The following NCOA7 variants were observed in gnomAD, a reference collection of about 807,000 sequenced individuals.
NCOA7 encodes nuclear receptor coactivator 7.
A neutral mutation model predicts 104.3 loss-of-function variants in NCOA7; 45 were observed. That is an observed-to-expected ratio of 0.43 (90% CI 0.34 to 0.55). The LOEUF is 0.55. NCOA7 is among the 20% of genes least tolerant of loss of function. The pLI is 0.02. For missense variants in NCOA7, 1,041 were observed against 1,119.7 expected (o/e 0.93, Z 1.00); for synonymous variants, 398 against 402.3 (o/e 0.99, Z 0.13).
At chr6:125,806,311 C>T (rs545271702) in intron 1 of NCOA7, among the ~76,000 whole-genome samples, 8 of 152,092 alleles carry the variant, frequency 5.3e-5, no homozygotes, top group African/African-American at 1.2e-4. Flanking sequence ...ACTGCACTCC[C>T]GCCTGGATGA....
chr6:125,894,654 C>T (rs1036868329), intron 10 of NCOA7, among the ~76,000 whole-genome samples: 1 of 152,130 alleles, frequency 6.6e-6, no homozygotes, highest in African/African-American at 2.4e-5. Flanking sequence ...CTAAAGCAGT[C>T]CTTGACCCCT....
chr6:125,785,549 A>C (rs1774427595), intron 1 of NCOA7, among the ~76,000 whole-genome samples: 1 of 152,102 alleles, frequency 6.6e-6, no homozygotes, highest in African/African-American at 2.4e-5. Context: ...AATCACTGTA[A>C]ATTTCTTTTA....
chr6:125,873,999 G>C (rs1388399609), intron 3 of NCOA7, among the ~76,000 whole-genome samples: 1 of 152,154 alleles, frequency 6.6e-6, no homozygotes, highest in Non-Finnish European at 1.5e-5. Context: ...TCATATGCAG[G>C]TGCCAATGTT....
intron 11 of NCOA7, chr6:125,919,262 G>A: frequency 6.2e-7 from 1 of 1,610,788 alleles, no homozygotes; most frequent in Non-Finnish European, 8.5e-7. Context: ...AACAGTTGTA[G>A]CTCAGCGTGG....
In NCOA7 at chr6:125,927,730, T is replaced by C; in HGVS notation, c.2591T>C (p.Phe864Ser). 3 of 1,614,040 alleles carry C rather than the reference T, an allele frequency of 1.9e-6. No individual in the cohort carries two copies. Among genetic ancestry groups the C allele is most frequent in the Non-Finnish European group, 2.5e-6 (3 of 1,179,894 alleles). The part of the protein sequence containing the change: ...SDHYYGTGET[F>S]LYTFSPHFKV... The stretch of plus-strand genomic sequence containing the variant: ...CACTATTATGGCACAGGCGAAACTT[T>C]TCTCTACACATTCAGCCCTCATTTT... Residue 864 changes from phenylalanine (F) to serine (S), a missense_variant, in exon 14 of 16, where the codon TTT becomes TCT. Around this residue, in one of 2 missense-constraint regions of NCOA7, gnomAD observed 127 missense variants for 177.0 expected, o/e 0.72. Coordinates refer to ENST00000392477, the MANE Select transcript of NCOA7 (RefSeq NM_181782.5).
intron 10 of NCOA7, among the ~76,000 whole-genome samples, chr6:125,912,106 C>T (rs1472507232): frequency 1.3e-5 from 2 of 152,216 alleles, no homozygotes; most frequent in East Asian, 1.9e-4. Context: ...CGAGGCTTTT[C>T]AGACCTTCAA....
At chr6:125,825,504 A>T (rs939687208) in intron 2 of NCOA7, among the ~76,000 whole-genome samples, 3 of 152,226 alleles carry the variant, frequency 2.0e-5, no homozygotes, top group African/African-American at 7.2e-5. Context: ...GTTGATTATG[A>T]CATCTGTGGT....
intron 11 of NCOA7, among the ~76,000 whole-genome samples, chr6:125,920,177 A>C (rs1315322604): frequency 1.3e-5 from 2 of 152,218 alleles, no homozygotes; most frequent in African/African-American, 2.4e-5. Flanking sequence ...AGGGGAGACT[A>C]TTTTTATCAT....
At chr6:125,793,653 T>C (rs1775053063) in intron 1 of NCOA7, among the ~76,000 whole-genome samples, 1 of 152,200 alleles carries the variant, frequency 6.6e-6, no homozygotes, top group African/African-American at 2.4e-5. Flanking sequence ...TAGAAACCTC[T>C]ATTCCTTTCT....
intron 1 of NCOA7, among the ~76,000 whole-genome samples, chr6:125,802,946 T>A (rs1044860974): frequency 2.0e-5 from 3 of 152,242 alleles, no homozygotes; most frequent in African/African-American, 7.2e-5. Context: ...CTTTTTCTTA[T>A]GTCTTGTTCC....
chr6:125,877,261 G>A lies in NCOA7; in HGVS notation c.352-1002G>A, dbSNP rs1440224936. Among the ~76,000 whole-genome samples, 4 of 152,146 alleles carry A rather than the reference G, an allele frequency of 2.6e-5. No homozygotes were observed. The East Asian group carries it at 7.7e-4, about 29-fold the overall frequency. Reference sequence around the variant, plus strand: ...TTGGACCTCTGATACTGAAGGCAGCGATGGGTTTAATTCTCCTCCTACATC... The same window carrying A: ...TTGGACCTCTGATACTGAAGGCAGCAATGGGTTTAATTCTCCTCCTACATC... On this transcript the variant is annotated intron_variant, in intron 4 of 15. Transcript: ENST00000392477.
chr6:125,797,921 C>T (rs1004476719), intron 1 of NCOA7: 1 of 152,124 alleles, frequency 6.6e-6, no homozygotes, highest in African/African-American at 2.4e-5. Flanking sequence ...ACTCTGAAAA[C>T]CTTTATAACA....
intron 2 of NCOA7, among the ~76,000 whole-genome samples, chr6:125,825,077 C>T (rs1211917143): frequency 2.0e-5 from 3 of 151,628 alleles, no homozygotes; most frequent in Non-Finnish European, 4.4e-5. Flanking sequence ...GTGGCTCACA[C>T]CTGTAATCCC....
At chr6:125,817,226 C>G (rs1013874545) in intron 2 of NCOA7, among the ~76,000 whole-genome samples, 2 of 152,214 alleles carry the variant, frequency 1.3e-5, no homozygotes, top group African/African-American at 2.4e-5. Flanking sequence ...ATGCTACAAT[C>G]ATTTATGTAC....
chr6:125,895,965 A>G (rs146378936), intron 10 of NCOA7, among the ~76,000 whole-genome samples: 5,640 of 146,038 alleles, frequency 0.039, 192 homozygotes, highest in Admixed American at 0.091. Flanking sequence ...ATATGTATAT[A>G]TGTGTGTGTG....
At chr6:125,908,846 T>TA (rs1786265578) in intron 10 of NCOA7, among the ~76,000 whole-genome samples, 1 of 152,250 alleles carries the variant, frequency 6.6e-6, no homozygotes, top group South Asian at 2.1e-4. Flanking sequence ...TTTCTCTCCC[T>TA]AAAATCTTAA....
In NCOA7 at chr6:125,821,421, C is replaced by T. The variant is rs368218745; in HGVS notation, c.50+6017C>T. ...TATGCTCTGCAGTGCTGCCATGTGCCCCTTTAGTTGCAAAACGGGGCTTAT... is the reference window on the plus strand; with the variant it reads ...TATGCTCTGCAGTGCTGCCATGTGCTCCTTTAGTTGCAAAACGGGGCTTAT... On this transcript the variant is annotated intron_variant, in intron 2 of 15. Transcript: ENST00000392477. Among the ~76,000 whole-genome samples, 297 of 152,192 alleles carry T rather than the reference C, an allele frequency of 2.0e-3. 3 individuals are homozygous for T. Among genetic ancestry groups the T allele is most frequent in the South Asian group, 0.01 (49 of 4,812 alleles).
chr6:125,894,323 G>A (rs1428062972), intron 10 of NCOA7, among the ~76,000 whole-genome samples: 1 of 152,058 alleles, frequency 6.6e-6, no homozygotes, highest in Non-Finnish European at 1.5e-5. Context: ...GAGAACCACT[G>A]GTCGCGTACT....
At chr6:125,860,262 A>G (rs895447046) in intron 3 of NCOA7, among the ~76,000 whole-genome samples, 16 of 152,334 alleles carry the variant, frequency 1.1e-4, no homozygotes, top group Middle Eastern at 3.4e-3. Context: ...GCACCTTGGA[A>G]TGTTTATAAA....
Sources: gnomAD v4.1 joint callset for allele counts (sites outside exome capture counted in the v4.1 genomes callset) on GRCh38, gnomAD v4.1.1 for gene constraint, gnomAD v4.1.1 regional missense constraint, MANE v1.5 for transcripts, NCBI Gene and HGNC (gene_info 2026-07-23, HGNC 2026-07-21) for gene names.